The following BSN variants were observed in gnomAD, a reference collection of about 807,000 sequenced individuals.
BSN encodes the protein bassoon presynaptic cytomatrix protein, also known as protein bassoon.
In BSN, 57 loss-of-function variants were observed where a neutral mutation model predicts 264.8. The ratio of observed to expected loss-of-function variants is 0.22; its 90% CI spans 0.17 to 0.27. The LOEUF is 0.27. Among genes scored for constraint, BSN ranks in the 10% least tolerant of loss-of-function variants. The probability of loss-of-function intolerance (pLI) is 1.00; values close to 1 mark genes in which losing one functional copy is unlikely to be tolerated. For missense variants in BSN, 4,615 were observed against 5,232.5 expected, an observed-to-expected ratio of 0.88 and a Z score of 3.64; for synonymous variants, 2,059 against 2,137.3, an observed-to-expected ratio of 0.96 and a Z score of 1.01.
At chr3:49,618,807 TGCA>T (rs1245888342) in intron 1 of BSN, among the ~76,000 whole-genome samples, 58 of 152,270 alleles carry the variant, frequency 3.8e-4, no homozygotes, top group Non-Finnish European at 1.2e-4. Flanking sequence ...CACTGGACCA[TGCA>T]GCAGTGTGTC....
rs1004740760 is a variant in BSN at position 49,642,247 on chromosome 3, C to G, written c.634-21C>G. The G allele has an allele frequency of 6.7e-7, 1 of 1,503,380 alleles. No homozygotes were observed. The highest frequency in any genetic ancestry group is 1.4e-5 in the African/African-American group (1 of 71,608). 93.1% of individuals were successfully genotyped at this position (1,503,380 alleles called of 1,614,324 possible). ...CTGCCAATCCTGGCCACCCTGCTGA[C>G]TATTTTGCTTTTCTCCTCAGGTGAA... On this transcript the variant is annotated intron_variant, in intron 2 of 11. Transcript: ENST00000296452. This position sits in a 1 kb window ranked among gnomAD's most constrained non-coding sequence, Gnocchi z 7.0.
intron 1 of BSN, among the ~76,000 whole-genome samples, chr3:49,567,349 C>T (rs1376467168): frequency 6.6e-6 from 1 of 152,104 alleles, no homozygotes; most frequent in Non-Finnish European, 1.5e-5. Context: ...ACTTTTTGAT[C>T]AGTTTTCTGT....
chr3:49,652,010 C>A lies in BSN; in HGVS notation c.2454C>A (p.Ser818Arg), dbSNP rs779899920. The A allele has an allele frequency of 1.9e-6, 3 of 1,612,854 alleles. 1 individual carries two copies. Among genetic ancestry groups the A allele is most frequent in the East Asian group, 2.2e-5 (1 of 44,864 alleles). The change falls in exon 5 of 12, where the codon AGC (serine) becomes AGA (arginine). Residue 818 changes from serine to arginine, a missense_variant. Physicochemically the swap from Ser to Arg is moderately radical, Grantham distance 110. Around this residue, in one of 3 missense-constraint regions of BSN, gnomAD observed 1,197 missense variants for 1,348.0 expected, o/e 0.89. Transcript: ENST00000296452. ...SQLRHDYVED[S>R]SEGGLSPLPP... ...TGAGGCACGACTATGTGGAGGACAG[C>A]AGTGAGGGTGGCCTGTCCCCTCTTC...
At chr3:49,607,195 T>C (rs1263534138) in intron 1 of BSN, among the ~76,000 whole-genome samples, 1 of 152,118 alleles carries the variant, frequency 6.6e-6, no homozygotes, top group Non-Finnish European at 1.5e-5. Context: ...TTCCTACTAC[T>C]CTGAAGATTT....
At chr3:49,639,621 G>A (rs1559611404) in intron 2 of BSN, among the ~76,000 whole-genome samples, 1 of 152,158 alleles carries the variant, frequency 6.6e-6, no homozygotes, top group South Asian at 2.1e-4. Flanking sequence ...GCCTTTGGGG[G>A]GCTCTGCCAG....
chr3:49,656,709 C>T lies in BSN; in HGVS notation c.7153C>T (p.Leu2385=). ...LERERVELEK[L]RQLRLQEELE... is the part of the protein sequence containing the mutation. Reference sequence around the variant, plus strand: ...GCGGGAGCGGGTGGAGTTGGAGAAGCTGCGACAACTTCGGCTGCAAGAGGA... The same window carrying T: ...GCGGGAGCGGGTGGAGTTGGAGAAGTTGCGACAACTTCGGCTGCAAGAGGA... Residue 2385 remains leucine, a synonymous_variant, in exon 5 of 12, where the codon CTG becomes TTG. Coordinates refer to ENST00000296452, the MANE Select transcript of BSN (RefSeq NM_003458.4). 1 of 1,581,716 alleles carries T rather than the reference C, an allele frequency of 6.3e-7. No homozygotes were observed. Among genetic ancestry groups the T allele is most frequent in the Non-Finnish European group, 8.6e-7 (1 of 1,163,326 alleles).
intron 1 of BSN, among the ~76,000 whole-genome samples, chr3:49,572,120 T>C (rs1325335785): frequency 1.3e-5 from 2 of 152,220 alleles, no homozygotes; most frequent in South Asian, 2.1e-4. Flanking sequence ...CATTGAATAC[T>C]GAAACAGTGT....
At position 49,643,101 on chromosome 3, in the gene BSN, G is replaced by A. The variant is rs1214040775; in HGVS notation, c.1467G>A (p.Arg489=). The change falls in exon 3 of 12, where the codon AGG becomes AGA. Residue 489 remains arginine, a synonymous_variant. Coordinates refer to ENST00000296452, the MANE Select transcript of BSN (RefSeq NM_003458.4). ...PANYNTCTTC[R]LQVCNLCGFN... ...ACTATAACACATGCACCACCTGCAG[G>A]CTCCAGGTGTGCAACCTGTGTGGCT... is the stretch of plus-strand genomic sequence containing the variant. 2 of 1,613,448 alleles carry A rather than the reference G, an allele frequency of 1.2e-6. No homozygotes were observed. The highest frequency in any genetic ancestry group is 1.1e-5 in the South Asian group (1 of 91,084).
At chr3:49,614,247 G>T (rs2052239517) in intron 1 of BSN, among the ~76,000 whole-genome samples, 1 of 151,878 alleles carries the variant, frequency 6.6e-6, no homozygotes, top group Non-Finnish European at 1.5e-5. Context: ...TTTTAGTAGA[G>T]ACAGGGTTTC....
Position 49,653,985 on chromosome 3 carries a change from A to C in BSN, c.4429A>C (p.Ser1477Arg). 3.1e-6 allele frequency: 5 copies of C among 1,614,000 alleles called. No individual in the cohort carries two copies. The highest frequency in any genetic ancestry group is 2.5e-6 in the Non-Finnish European group (3 of 1,180,004). Reference protein sequence around the residue: ...SRAYSYFASSSPPLSPSSPSE... With the variant: ...SRAYSYFASSRPPLSPSSPSE... ...GGCATATTCCTACTTTGCAAGCTCC[A>C]GCCCACCTCTCTCCCCGTCTTCCCC... The change falls in exon 5 of 12, where the codon AGC becomes CGC. Residue 1477 changes from serine to arginine, a missense_variant. By Grantham distance (110) the Ser-to-Arg change is moderately radical. This residue lies in a region of BSN where 3,415 missense variants were observed against 3,866.4 expected (regional missense o/e 0.88). Transcript: ENST00000296452. This position sits in a 1 kb window ranked among gnomAD's most constrained non-coding sequence, Gnocchi z 6.3.
At chr3:49,643,483 TCAGATAGGAGAACCTGAGGTCCCA>T (rs2052483555) in intron 3 of BSN, among the ~76,000 whole-genome samples, 1 of 152,104 alleles carries the variant, frequency 6.6e-6, no homozygotes, top group Non-Finnish European at 1.5e-5. Flanking sequence ...CCTCCCCTGC[TCAGATAGGAGAACCTGAGGTCCCA>T]CACTGCCATG....
intron 1 of BSN, among the ~76,000 whole-genome samples, chr3:49,593,495 T>G (rs1015975970): frequency 3.3e-5 from 5 of 152,258 alleles, no homozygotes; most frequent in African/African-American, 1.2e-4. Flanking sequence ...AGATTGATTG[T>G]GCCATTTATA....
At chr3:49,613,138 AAAC>A (rs113782620) in intron 1 of BSN, among the ~76,000 whole-genome samples, 8 of 152,002 alleles carry the variant, frequency 5.3e-5, no homozygotes, top group Admixed American at 4.6e-4. Context: ...CATCTAAAGA[AAAC>A]AACAACAACA....
chr3:49,649,520 C>A (rs901003900), intron 3 of BSN, among the ~76,000 whole-genome samples: 1 of 152,200 alleles, frequency 6.6e-6, no homozygotes, highest in African/African-American at 2.4e-5. Context: ...AGCCCTGACT[C>A]TGGAGGAGGC....
Position 49,555,977 on chromosome 3 carries a change from G to T in BSN, c.224+1151G>T, listed in dbSNP as rs186072396. Reference sequence around the variant, plus strand: ...AACTAACAGTAATGAAAGGCTGTTAGTAGCTTGAAACCTGCGGCAGACAGG... The same window carrying T: ...AACTAACAGTAATGAAAGGCTGTTATTAGCTTGAAACCTGCGGCAGACAGG... On this transcript the variant is annotated intron_variant, in intron 1 of 11. Transcript: ENST00000296452. 9.8e-3 allele frequency among the ~76,000 whole-genome samples: 1,487 copies of T among 152,358 alleles called. 26 individuals carry two copies. Among genetic ancestry groups the T allele is most frequent in the African/African-American group, 0.034 (1,433 of 41,570 alleles).
rs147218044 is a variant in BSN at position 49,656,608 on chromosome 3, G to A, written c.7052G>A (p.Arg2351Gln). The A allele has an allele frequency of 3.0e-4, 484 of 1,605,450 alleles. No individual in the cohort carries two copies. The Middle Eastern group carries it at 3.3e-3, about 11-fold the overall frequency. ...APGGGSGALS[R>Q]PGFEKEEASQ... ...GGGGGTGGCAGTGGGGCCCTCAGCC[G>A]GCCAGGGTTCGAGAAAGAGGAAGCA... Residue 2351 changes from arginine to glutamine, a missense_variant, in exon 5 of 12, where the codon CGG (arginine) becomes CAG (glutamine). This residue lies in a region of BSN where 3,415 missense variants were observed against 3,866.4 expected (regional missense o/e 0.88). Transcript: ENST00000296452.
Position 49,554,836 on chromosome 3 carries a change from T to C in BSN, c.224+10T>C. 3.6e-6 allele frequency: 4 copies of C among 1,112,612 alleles called. No individual in the cohort carries two copies. The highest frequency in any genetic ancestry group is 4.4e-6 in the Non-Finnish European group (4 of 912,580). The allele number at this position is 1,112,612 out of a possible 1,614,324, so 68.9% of individuals were successfully genotyped here. A position where few individuals can be genotyped will look rare whatever the true frequency, so the allele number is the denominator to read the frequency against. ...GCCCTGGCCCGGGCAGGTAAGCGCG[T>C]GTCTCGGCGCCCGGGGGGCGGTGAG... On this transcript the variant is annotated intron_variant, in intron 1 of 11. Coordinates refer to ENST00000296452, the MANE Select transcript of BSN (RefSeq NM_003458.4).
At chr3:49,561,635 CAT>C (rs1315183470) in intron 1 of BSN, among the ~76,000 whole-genome samples, 7 of 152,002 alleles carry the variant, frequency 4.6e-5, no homozygotes, top group Non-Finnish European at 1.0e-4. Flanking sequence ...CATATTATGA[CAT>C]ATTATGGAAT....
At chr3:49,598,734 C>T (rs2052045616) in intron 1 of BSN, among the ~76,000 whole-genome samples, 1 of 152,162 alleles carries the variant, frequency 6.6e-6, no homozygotes, top group Admixed American at 6.5e-5. Flanking sequence ...TGGTGAAAAA[C>T]TGAATGCTTT....
Sources: allele counts gnomAD v4.1 joint callset (sites outside exome capture counted in the v4.1 genomes callset), GRCh38; gene constraint gnomAD v4.1.1; regional missense constraint gnomAD v4.1.1; non-coding constraint Gnocchi (gnomAD v3.1); transcripts MANE v1.5; gene names NCBI Gene and HGNC (gene_info 2026-07-23, HGNC 2026-07-21).